Variants in RTL4 observed in about 807,000 individuals in gnomAD.
RTL4 encodes retrotransposon Gag like 4.
RTL4 carries 4 observed loss-of-function variants against 5.3 expected under a neutral mutation model. That is an observed-to-expected ratio of 0.75 (90% CI 0.37 to 1.72). RTL4 has a LOEUF of 1.72. Among genes scored for constraint, RTL4 ranks in the 40% most tolerant of loss-of-function variants. The pLI is 0.04. For missense variants in RTL4, 260 were observed against 227.1 expected (o/e 1.14, Z -0.93); for synonymous variants, 98 against 87.3 (o/e 1.12, Z -0.68).
At chrX:112,322,055 C>T in the RTL4 span, among the ~76,000 whole-genome samples, 3 of 111,582 alleles carry the variant, frequency 2.7e-5, no homozygotes, top group Middle Eastern at 4.6e-3. Flanking sequence ...TTTTTCAACC[C>T]TTAATTTTTA....
At chrX:112,334,274 T>C in the RTL4 span, among the ~76,000 whole-genome samples, 1 of 112,141 alleles carries the variant, frequency 8.9e-6, no homozygotes, top group Non-Finnish European at 1.9e-5. Flanking sequence ...GGAGCAGATA[T>C]CCCTGTGATA....
the RTL4 span, among the ~76,000 whole-genome samples, chrX:112,175,263 G>A: frequency 1.6e-4 from 15 of 91,254 alleles, no homozygotes; most frequent in Admixed American, 1.6e-3. Flanking sequence ...TGTATAAGGT[G>A]TAAGGAAGGG....
chrX:112,454,573 G>A (rs1241793289), exon 1 of RTL4: 4 of 480,522 alleles, frequency 8.3e-6, no homozygotes, highest in Non-Finnish European at 1.4e-5. Context: ...CTCCAATTCA[G>A]CTGTTAGCAT....
At chrX:112,085,675 A>G in the RTL4 span, among the ~76,000 whole-genome samples, 5 of 111,880 alleles carry the variant, frequency 4.5e-5, no homozygotes, top group Non-Finnish European at 7.5e-5. Context: ...GCGTCCAGGC[A>G]TGGCCAAATG....
At chrX:112,446,746 G>A in the RTL4 span, among the ~76,000 whole-genome samples, 1 of 112,068 alleles carries the variant, frequency 8.9e-6, no homozygotes, top group Non-Finnish European at 1.9e-5. Flanking sequence ...TACTTGGGAG[G>A]CTGAGGCAGG....
At chrX:112,238,973 C>G in the RTL4 span, among the ~76,000 whole-genome samples, 1 of 111,884 alleles carries the variant, frequency 8.9e-6, no homozygotes, top group South Asian at 3.7e-4. Flanking sequence ...TTCGCAGAAG[C>G]AGATGACTAT....
chrX:112,085,952 G>A, the RTL4 span, among the ~76,000 whole-genome samples: 3 of 111,625 alleles, frequency 2.7e-5, no homozygotes, highest in Non-Finnish European at 3.8e-5. Context: ...TTCTTGTCAA[G>A]CACACACTAT....
At chrX:112,452,858 T>C (rs7878154), upstream of RTL4, among the ~76,000 whole-genome samples, 57,663 of 108,850 alleles carry the variant, frequency 0.53, 12,202 homozygotes, top group African/African-American at 0.77. Flanking sequence ...ATGGTGAAAC[T>C]GTGTCTCTAC....
the RTL4 span, among the ~76,000 whole-genome samples, chrX:112,375,362 G>T: frequency 1.8e-5 from 2 of 111,004 alleles, no homozygotes; most frequent in Admixed American, 1.9e-4. Context: ...TGGTTATTAA[G>T]GTTCTGCAGC....
the RTL4 span, among the ~76,000 whole-genome samples, chrX:112,405,471 T>G: frequency 1.8e-5 from 2 of 112,243 alleles, no homozygotes; most frequent in East Asian, 2.8e-4. Context: ...TCCTGTGGTG[T>G]TATTTCTTCT....
chrX:112,225,351 C>A, the RTL4 span, among the ~76,000 whole-genome samples: 1 of 111,966 alleles, frequency 8.9e-6, no homozygotes, highest in Middle Eastern at 4.2e-3. Flanking sequence ...ATGGCCCTGC[C>A]TAAATGGTAA....
the RTL4 span, among the ~76,000 whole-genome samples, chrX:112,400,746 G>A: frequency 3.7e-4 from 42 of 112,198 alleles, no homozygotes; most frequent in Admixed American, 2.1e-3. Context: ...TATTGCAGCA[G>A]TGTTTAGTCT....
At chrX:112,256,448 C>T in the RTL4 span, among the ~76,000 whole-genome samples, 18 of 112,110 alleles carry the variant, frequency 1.6e-4, no homozygotes, top group East Asian at 8.3e-4. Context: ...ACATAATATA[C>T]GCTCTAAGAG....
the RTL4 span, among the ~76,000 whole-genome samples, chrX:112,122,241 T>C: frequency 8.9e-6 from 1 of 111,978 alleles, no homozygotes; most frequent in South Asian, 3.7e-4. Flanking sequence ...AATGGAGTAG[T>C]ATTCAGCCAT....
the RTL4 span, among the ~76,000 whole-genome samples, chrX:112,292,916 A>C: frequency 8.9e-6 from 1 of 112,022 alleles, no homozygotes; most frequent in African/African-American, 3.2e-5. Context: ...ACTGACTTTT[A>C]GTCTCCAATT....
chrX:112,367,831 G>A, the RTL4 span, among the ~76,000 whole-genome samples: 31 of 111,776 alleles, frequency 2.8e-4, no homozygotes, highest in Non-Finnish European at 4.9e-4. Context: ...TGGACATTCA[G>A]GGAAGACTTC....
At chrX:112,354,831 T>C in the RTL4 span, among the ~76,000 whole-genome samples, 1 of 111,295 alleles carries the variant, frequency 9.0e-6, no homozygotes, top group Admixed American at 9.6e-5. Flanking sequence ...TCTTTGAGGT[T>C]CACCCTTTGG....
the RTL4 span, among the ~76,000 whole-genome samples, chrX:112,156,395 T>A: frequency 8.9e-6 from 1 of 112,535 alleles, no homozygotes; most frequent in African/African-American, 3.2e-5. Flanking sequence ...TGCTAACAGA[T>A]ATCAATGCTG....
At chrX:112,123,605 G>A in the RTL4 span, among the ~76,000 whole-genome samples, 23 of 112,056 alleles carry the variant, frequency 2.1e-4, no homozygotes, top group African/African-American at 5.2e-4. Flanking sequence ...TGTCAGGTTT[G>A]TCAAAGATCA....
Sources: gnomAD v4.1 joint callset for allele counts (sites outside exome capture counted in the v4.1 genomes callset) on GRCh38, gnomAD v4.1.1 for gene constraint, MANE v1.5 for transcripts, NCBI Gene and HGNC (gene_info 2026-07-23, HGNC 2026-07-21) for gene names.